SMURF1: variants seen among roughly 807,000 people sequenced by gnomAD.
SMURF1 encodes the protein E3 ubiquitin-protein ligase SMURF1.
Under a neutral mutation model 98.0 loss-of-function variants are expected in SMURF1, and 44 were observed. That is an observed-to-expected ratio of 0.45 (90% CI 0.35 to 0.58). SMURF1 has a LOEUF of 0.58. Ranked by LOEUF, SMURF1 falls within the 20% of genes least tolerant of loss-of-function variation. The probability of loss-of-function intolerance (pLI) is 0.00; values close to 1 mark genes in which losing one functional copy is unlikely to be tolerated. For missense variants in SMURF1, 687 were observed against 938.4 expected (o/e 0.73, Z 3.50); for synonymous variants, 396 against 374.9 (o/e 1.06, Z -0.65).
At chr7:99,131,158 A>C (rs1206540517) in intron 1 of SMURF1, among the ~76,000 whole-genome samples, 2 of 152,212 alleles carry the variant, frequency 1.3e-5, no homozygotes, top group Admixed American at 1.3e-4. Flanking sequence ...CAGTGAAGTC[A>C]CTAAAATTCT....
intron 6 of SMURF1, among the ~76,000 whole-genome samples, chr7:99,052,731 A>G (rs1795789779): frequency 6.6e-6 from 1 of 152,236 alleles, no homozygotes; most frequent in Non-Finnish European, 1.5e-5. Flanking sequence ...GCCTTAGACT[A>G]TGAGGAGTTT....
chr7:99,128,327 G>A (rs1404331940), intron 1 of SMURF1, among the ~76,000 whole-genome samples: 5 of 152,116 alleles, frequency 3.3e-5, no homozygotes, highest in South Asian at 2.1e-4. Context: ...CATGAATGAC[G>A]CAGTCAGTAA....
intron 1 of SMURF1, among the ~76,000 whole-genome samples, chr7:99,105,837 C>T (rs775912271): frequency 6.6e-6 from 1 of 152,226 alleles, no homozygotes; most frequent in Non-Finnish European, 1.5e-5. Context: ...ACTAAGACTA[C>T]AATTCCAGTC....
intron 1 of SMURF1, among the ~76,000 whole-genome samples, chr7:99,138,511 C>T (rs1308555634): frequency 1.3e-5 from 2 of 151,962 alleles, no homozygotes; most frequent in Admixed American, 6.6e-5. Flanking sequence ...GTGACTGAAC[C>T]GAGAAAATGA....
chr7:99,052,937 G>A (rs922507216), intron 6 of SMURF1, among the ~76,000 whole-genome samples: 4 of 152,168 alleles, frequency 2.6e-5, no homozygotes, highest in Non-Finnish European at 5.9e-5. Flanking sequence ...GGTGGCACAC[G>A]CCTGTGGTCC....
chr7:99,143,490 G>C (rs1366395611), intron 1 of SMURF1, among the ~76,000 whole-genome samples: 2 of 138,352 alleles, frequency 1.4e-5, no homozygotes, highest in Non-Finnish European at 3.2e-5. Context: ...GGGCAGGTGC[G>C]GGGGAACGGG....
chr7:99,033,225 ACACCCAGGCAGG>A lies in SMURF1; in HGVS notation c.2012-116_2012-105del, dbSNP rs1409112139. Reference sequence around the variant, plus strand: ...GGGCCCTGACCACATTCCCACCCCCACACCCAGGCAGGCTGTCCTGTGAGAGGGCCATGAGGT... The same window carrying A: ...GGGCCCTGACCACATTCCCACCCCCACTGTCCTGTGAGAGGGCCATGAGGT... On this transcript the variant is annotated intron_variant, in intron 16 of 17. Coordinates refer to ENST00000361368, the MANE Select transcript of SMURF1 (RefSeq NM_181349.3). 9 of 1,124,682 alleles carry A rather than the reference ACACCCAGGCAGG, an allele frequency of 8.0e-6. No individual in the cohort carries two copies. The Admixed American group carries it at 1.7e-4, about 21-fold the overall frequency. The allele number at this position is 1,124,682 out of a possible 1,614,324, so 69.7% of individuals were successfully genotyped here.
intron 11 of SMURF1, 94 bp from the exon 12 acceptor site, chr7:99,042,326 C>G: frequency 1.3e-6 from 1 of 797,364 alleles, no homozygotes; most frequent in Non-Finnish European, 2.0e-6. Flanking sequence ...GTCGCCCAGG[C>G]TGGAGTGCAG....
At chr7:99,057,358 A>G in intron 4 of SMURF1, 60 bp downstream of exon 4, 1 of 1,612,616 alleles carries the variant, frequency 6.2e-7, no homozygotes, top group Non-Finnish European at 8.5e-7. Context: ...AAAACAAAAA[A>G]CGATGCCTCC....
Position 99,042,138 on chromosome 7 carries a change from G to A in SMURF1, c.1351C>T (p.Pro451Ser), listed in dbSNP as rs749632497. The change falls in exon 12 of 18, where the codon CCG becomes TCG. Residue 451 changes from proline to serine, a missense_variant. Physicochemically the swap from Pro to Ser is moderately conservative, Grantham distance 74 (BLOSUM62 -1). Coordinates refer to ENST00000361368, the MANE Select transcript of SMURF1 (RefSeq NM_181349.3). ...CTTACGGGGTTGATTGAAGAATCCG[G>A]ATTTATTTGCAACATGTAAATATTG... is the stretch of plus-strand genomic sequence containing the variant. ...TDNIYMLQIN[P>S]DSSINPDHLS... is the part of the protein sequence containing the mutation. 2 of 1,613,494 alleles carry A rather than the reference G, an allele frequency of 1.2e-6. No homozygotes were observed. Among genetic ancestry groups the A allele is most frequent in the Non-Finnish European group, 1.7e-6 (2 of 1,179,644 alleles).
In SMURF1 at chr7:99,122,741, CTTTCTT is replaced by C. The variant is rs1183646826; in HGVS notation, c.55+20979_55+20984del. On this transcript the variant is annotated intron_variant, in intron 1 of 17. Coordinates refer to ENST00000361368, the MANE Select transcript of SMURF1 (RefSeq NM_181349.3). ...ACCATGCCACAGGGCTTTTTTCTTT[CTTTCTT>C]TTTTTTTTTTTTTTTTTTTTTTACA... is the stretch of plus-strand genomic sequence containing the variant. Among the ~76,000 whole-genome samples the C allele has an allele frequency of 1.7e-3, 174 of 100,842 alleles. 1 individual carries two copies. Among genetic ancestry groups the C allele is most frequent in the South Asian group, 3.4e-3 (9 of 2,630 alleles). 66.2% of individuals were successfully genotyped at this position (100,842 alleles called of 152,430 possible). A position where few individuals can be genotyped will look rare whatever the true frequency, so the allele number is the denominator to read the frequency against.
At chr7:99,119,969 G>C (rs1407608090) in intron 1 of SMURF1, among the ~76,000 whole-genome samples, 1 of 152,198 alleles carries the variant, frequency 6.6e-6, no homozygotes, top group South Asian at 2.1e-4. Flanking sequence ...ATACTGAAAT[G>C]TGACCTCCAG....
At chr7:99,042,863 C>G (rs186649270) in intron 11 of SMURF1, among the ~76,000 whole-genome samples, 1 of 152,082 alleles carries the variant, frequency 6.6e-6, no homozygotes, top group Non-Finnish European at 1.5e-5. Context: ...GAAATGAGAG[C>G]GAATAGGGAA....
chr7:99,050,565 TA>T (rs1795721426), intron 8 of SMURF1: 1 of 191,706 alleles, frequency 5.2e-6, no homozygotes, highest in African/African-American at 2.3e-5. Flanking sequence ...TCCTGATTAA[TA>T]ATTTCAACAC....
In SMURF1 at chr7:99,029,024, G is replaced by A. The variant is rs1040270598; in HGVS notation, c.*1560C>T. On this transcript the variant is annotated 3_prime_UTR_variant, in exon 18 of 18. Transcript: ENST00000361368. ...ATTTGGCCTGGACTTTTGGAATGGG[G>A]GATTAAACTTTCCTCCTGCAGCAAA... 3 of 152,330 alleles carry A rather than the reference G, an allele frequency of 2.0e-5. No homozygotes were observed. The highest frequency in any genetic ancestry group is 4.4e-5 in the Non-Finnish European group (3 of 68,080). The allele number at this position is 152,330 out of a possible 1,614,324, so 9.4% of individuals were successfully genotyped here. A position where few individuals can be genotyped will look rare whatever the true frequency, so the allele number is the denominator to read the frequency against.
intron 16 of SMURF1, among the ~76,000 whole-genome samples, chr7:99,033,389 C>T (rs1794993861): frequency 6.6e-6 from 1 of 152,216 alleles, no homozygotes; most frequent in Admixed American, 6.5e-5. Context: ...CGGCTCACTG[C>T]AACATCTGAC....
chr7:99,104,939 T>C (rs946604535), intron 1 of SMURF1, among the ~76,000 whole-genome samples: 1 of 152,246 alleles, frequency 6.6e-6, no homozygotes, highest in African/African-American at 2.4e-5. Flanking sequence ...GCCCAGCCAC[T>C]GGCTCTTCTA....
chr7:99,047,885 T>G lies in SMURF1; in HGVS notation c.954-3A>C. The G allele has an allele frequency of 2.5e-6, 4 of 1,613,256 alleles. No homozygotes were observed. The highest frequency in any genetic ancestry group is 3.4e-6 in the Non-Finnish European group (4 of 1,179,974). On this transcript the variant is annotated splice_polypyrimidine_tract_variant and splice_region_variant and intron_variant, in intron 9 of 17. Coordinates refer to ENST00000361368, the MANE Select transcript of SMURF1 (RefSeq NM_181349.3). ...GCTCCTTGAGTTGGCACTGGTGACTTGAGAAGAAGAGATGCAGAAAGTCAC... is the reference window on the plus strand; with the variant it reads ...GCTCCTTGAGTTGGCACTGGTGACTGGAGAAGAAGAGATGCAGAAAGTCAC...
At chr7:99,133,245 G>C (rs925525858) in intron 1 of SMURF1, among the ~76,000 whole-genome samples, 2 of 152,010 alleles carry the variant, frequency 1.3e-5, no homozygotes, top group Non-Finnish European at 2.9e-5. Flanking sequence ...CCTATCGTTA[G>C]AACCCATGAA....
Sources: gnomAD v4.1 joint callset for allele counts (sites outside exome capture counted in the v4.1 genomes callset) on GRCh38, gnomAD v4.1.1 for gene constraint, MANE v1.5 for transcripts, NCBI Gene and HGNC (gene_info 2026-07-23, HGNC 2026-07-21) for gene names.